The following RB1 variants were observed in gnomAD, a reference collection of about 807,000 sequenced individuals.
RB1 encodes retinoblastoma-associated protein.
RB1 carries 18 observed loss-of-function variants against 135.4 expected under a neutral mutation model. The ratio of observed to expected loss-of-function variants is 0.13; its 90% CI spans 0.09 to 0.20. RB1 has a LOEUF of 0.20. RB1 is among the 10% of genes least tolerant of loss of function. RB1 has a pLI of 1.00. For synonymous variants in RB1, 365 were observed against 373.2 expected (o/e 0.98, Z 0.25); for missense variants, 868 against 1,110.0 (o/e 0.78, Z 3.10).
At chr13:48,332,988 G>A (rs1952350240) in intron 2 of RB1, 1 of 398,202 alleles carries the variant, frequency 2.5e-6, no homozygotes, top group African/African-American at 2.1e-5. Flanking sequence ...TAAAAAGTAT[G>A]TGAATGTAGT....
chr13:48,353,593 C>T (rs183440902), intron 6 of RB1, among the ~76,000 whole-genome samples: 25 of 152,106 alleles, frequency 1.6e-4, no homozygotes, highest in Admixed American at 1.3e-3. Flanking sequence ...ACTCATTCTA[C>T]AAGGCCTGTA....
intron 2 of RB1, among the ~76,000 whole-genome samples, chr13:48,321,583 C>T (rs547952479): frequency 6.6e-5 from 10 of 151,904 alleles, no homozygotes; most frequent in African/African-American, 9.7e-5. Context: ...TGGCTGGGCG[C>T]GGTGGCTCAC....
At chr13:48,432,266 C>T (rs926109728) in intron 17 of RB1, among the ~76,000 whole-genome samples, 3 of 152,124 alleles carry the variant, frequency 2.0e-5, no homozygotes, top group African/African-American at 7.2e-5. Context: ...ATTTCCAGCT[C>T]ACCTCCCAGA....
At chr13:48,321,890 T>C (rs1952245625) in intron 2 of RB1, among the ~76,000 whole-genome samples, 1 of 152,190 alleles carries the variant, frequency 6.6e-6, no homozygotes, top group South Asian at 2.1e-4. Flanking sequence ...ATTCATCTAG[T>C]TTGTCCACTT....
intron 8 of RB1, among the ~76,000 whole-genome samples, chr13:48,363,629 AAGT>A (rs1952664668): frequency 6.6e-6 from 1 of 152,182 alleles, no homozygotes; most frequent in African/African-American, 2.4e-5. Context: ...GTTTAGTGAT[AAGT>A]GATACCAACA....
intron 2 of RB1, among the ~76,000 whole-genome samples, chr13:48,327,062 T>C (rs1026654130): frequency 3.3e-5 from 5 of 152,136 alleles, no homozygotes; most frequent in Non-Finnish European, 7.4e-5. Flanking sequence ...ATAATTTTAC[T>C]AGTAAGAAAG....
At chr13:48,442,885 T>A (rs999547819) in intron 17 of RB1, among the ~76,000 whole-genome samples, 3 of 152,082 alleles carry the variant, frequency 2.0e-5, no homozygotes, top group African/African-American at 2.4e-5. Flanking sequence ...TTTAAATATT[T>A]AAAAAAATAC....
At chr13:48,327,228 A>G (rs1296670434) in intron 2 of RB1, among the ~76,000 whole-genome samples, 1 of 152,024 alleles carries the variant, frequency 6.6e-6, no homozygotes, top group African/African-American at 2.4e-5. Flanking sequence ...AAAAGCAGCC[A>G]AATACTTAAG....
intron 2 of RB1, among the ~76,000 whole-genome samples, chr13:48,334,819 C>T (rs1401933022): frequency 2.0e-5 from 3 of 152,030 alleles, no homozygotes; most frequent in African/African-American, 7.2e-5. Flanking sequence ...CAAATGAACT[C>T]AACTAAATGA....
In RB1 at chr13:48,367,540, A is replaced by G; in HGVS notation, c.986A>G (p.Lys329Arg). 1 of 1,604,990 alleles carries G rather than the reference A, an allele frequency of 6.2e-7. No individual in the cohort carries two copies. The highest frequency in any genetic ancestry group is 8.5e-7 in the Non-Finnish European group (1 of 1,174,532). ...TACGAAGAAATTTATCTTAAAAATA[A>G]AGATCTAGATGCAAGATTATTTTTG... The part of the protein sequence containing the change: ...KRYEEIYLKN[K>R]DLDARLFLDH... Residue 329 changes from lysine (K) to arginine (R), a missense_variant, in exon 10 of 27, where the codon AAA becomes AGA. Lys to Arg is a conservative substitution (Grantham distance 26). Around this residue, in one of 3 missense-constraint regions of RB1, gnomAD observed 641 missense variants for 791.3 expected, o/e 0.81. Transcript: ENST00000267163.
At position 48,303,818 on chromosome 13, in the gene RB1, A is replaced by G. The variant is rs2138026442; in HGVS notation, c.-95A>G. On this transcript the variant is annotated 5_prime_UTR_variant, in exon 1 of 27. Transcript: ENST00000267163. ...ACGTTGAAATTATTTTTGTAACGGG[A>G]GTCGGGAGAGGACGGGGCGTGCCCC... 1.4e-6 allele frequency: 2 copies of G among 1,453,388 alleles called. No individual in the cohort carries two copies. Among genetic ancestry groups the G allele is most frequent in the Non-Finnish European group, 1.8e-6 (2 of 1,102,838 alleles). The allele number at this position is 1,453,388 out of a possible 1,614,324, so 90.0% of individuals were successfully genotyped here. A position where few individuals can be genotyped will look rare whatever the true frequency, so the allele number is the denominator to read the frequency against.
chr13:48,336,115 A>C (rs1952382947), intron 2 of RB1, among the ~76,000 whole-genome samples: 1 of 152,174 alleles, frequency 6.6e-6, no homozygotes, highest in Admixed American at 6.5e-5. Flanking sequence ...TTTTGCATCC[A>C]TGTTCATCAG....
intron 6 of RB1, among the ~76,000 whole-genome samples, chr13:48,353,053 G>A (rs186196713): frequency 2.6e-5 from 4 of 151,898 alleles, no homozygotes; most frequent in Admixed American, 2.0e-4. Context: ...TCTTAAAGAA[G>A]TACAAAAATA....
chr13:48,338,459 A>G (rs1326237873), intron 2 of RB1, among the ~76,000 whole-genome samples: 3 of 152,108 alleles, frequency 2.0e-5, no homozygotes, highest in Non-Finnish European at 4.4e-5. Flanking sequence ...CCTTTCTTCC[A>G]GTTGATCGAA....
intron 2 of RB1, among the ~76,000 whole-genome samples, chr13:48,324,434 T>A (rs1952267040): frequency 6.6e-6 from 1 of 151,828 alleles, no homozygotes; most frequent in African/African-American, 2.4e-5. Flanking sequence ...GTTCAATATT[T>A]TTTTTTTTTT....
At chr13:48,381,598 A>G (rs978600499) in intron 17 of RB1, among the ~76,000 whole-genome samples, 155 bp downstream of exon 17, 12 of 152,256 alleles carry the variant, frequency 7.9e-5, no homozygotes, top group African/African-American at 2.9e-4. Flanking sequence ...CAAGTGGAAT[A>G]TTAGAATGGA....
At chr13:48,437,227 G>T (rs1949193127) in intron 17 of RB1, among the ~76,000 whole-genome samples, 1 of 152,164 alleles carries the variant, frequency 6.6e-6, no homozygotes, top group Non-Finnish European at 1.5e-5. Context: ...GAGCAATTAG[G>T]CTGACAGTTA....
chr13:48,411,319 T>A, intron 17 of RB1: 1 of 1,270,700 alleles, frequency 7.9e-7, no homozygotes, highest in Non-Finnish European at 1.1e-6. Context: ...AAATAGTTTG[T>A]CCAAAAAGAC....
intron 17 of RB1, among the ~76,000 whole-genome samples, chr13:48,396,127 AC>A (rs1175859474): frequency 6.6e-6 from 1 of 152,196 alleles, no homozygotes; most frequent in Non-Finnish European, 1.5e-5. Flanking sequence ...GGCTTTCTTC[AC>A]AGAATTAGAA....
Sources: allele counts gnomAD v4.1 joint callset (sites outside exome capture counted in the v4.1 genomes callset), GRCh38; gene constraint gnomAD v4.1.1; regional missense constraint gnomAD v4.1.1; transcripts MANE v1.5; gene names NCBI Gene and HGNC (gene_info 2026-07-23, HGNC 2026-07-21).